The following LONRF2 variants were observed in gnomAD, a reference collection of about 807,000 sequenced individuals.
The protein encoded by LONRF2 is LON peptidase N-terminal domain and ring finger 2.
A neutral mutation model predicts 66.6 loss-of-function variants in LONRF2; 35 were observed. The ratio of observed to expected loss-of-function variants is 0.53; its 90% CI spans 0.40 to 0.70. LONRF2 has a LOEUF of 0.70. Ranked by LOEUF, LONRF2 falls within the 30% of genes least tolerant of loss-of-function variation. The probability of loss-of-function intolerance (pLI) is 0.00; values close to 1 mark genes in which losing one functional copy is unlikely to be tolerated. For synonymous variants in LONRF2, 417 were observed against 418.1 expected, an observed-to-expected ratio of 1.00 and a Z score of 0.03; for missense variants, 902 against 1,002.1, an observed-to-expected ratio of 0.90 and a Z score of 1.35.
In LONRF2 at chr2:100,275,312, C is replaced by T. The variant is rs1252828979; in HGVS notation, c.*8986G>A. On this transcript the variant is annotated 3_prime_UTR_variant, in exon 12 of 12. Coordinates refer to ENST00000393437, the MANE Select transcript of LONRF2 (RefSeq NM_198461.4). ...TCAGGGCAATGACGGTAGCTCCCTC[C>T]ACAAGGAGCAAGGAACGGCTTTCCC... The T allele has an allele frequency of 2.0e-5, 3 of 152,260 alleles. No individual in the cohort carries two copies. Among genetic ancestry groups the T allele is most frequent in the Non-Finnish European group, 4.4e-5 (3 of 68,072 alleles). 9.4% of individuals were successfully genotyped at this position (152,260 alleles called of 1,614,324 possible). A position where few individuals can be genotyped will look rare whatever the true frequency, so the allele number is the denominator to read the frequency against.
intron 1 of LONRF2, among the ~76,000 whole-genome samples, chr2:100,311,159 G>A (rs770648438): frequency 6.6e-6 from 1 of 152,046 alleles, no homozygotes; most frequent in Non-Finnish European, 1.5e-5. Context: ...TCTCCTCACG[G>A]TATCTGCCTT....
In LONRF2 at chr2:100,322,230, C is replaced by T; in HGVS notation, c.-137G>A. 1 of 884,366 alleles carries T rather than the reference C, an allele frequency of 1.1e-6. No individual in the cohort carries two copies. Among genetic ancestry groups the T allele is most frequent in the Non-Finnish European group, 1.4e-6 (1 of 697,408 alleles). 54.8% of individuals were successfully genotyped at this position (884,366 alleles called of 1,614,324 possible). ...ACGCGCGTCTGGGGGCGGCGCGCTG[C>T]GAGCGGCTGAGACCGCGGGCGGGGG... On this transcript the variant is annotated 5_prime_UTR_variant, in exon 1 of 12. Coordinates refer to ENST00000393437, the MANE Select transcript of LONRF2 (RefSeq NM_198461.4).
Position 100,322,280 on chromosome 2 carries a change from C to T in LONRF2, c.-187G>A. The T allele has an allele frequency of 4.3e-6, 2 of 470,130 alleles. No homozygotes were observed. The highest frequency in any genetic ancestry group is 8.9e-5 in the East Asian group (2 of 22,418). 29.1% of individuals were successfully genotyped at this position (470,130 alleles called of 1,614,324 possible). On this transcript the variant is annotated 5_prime_UTR_variant, in exon 1 of 12. Coordinates refer to ENST00000393437, the MANE Select transcript of LONRF2 (RefSeq NM_198461.4). ...GCGGGCGCCTGGCTTGGGCAGCGTCCTCAGCGCGGTGTGGGCGGCGAGCCC... is the reference window on the plus strand; with the variant it reads ...GCGGGCGCCTGGCTTGGGCAGCGTCTTCAGCGCGGTGTGGGCGGCGAGCCC...
intron 6 of LONRF2, 127 bp from the exon 7 acceptor site, chr2:100,299,077 T>C (rs1455340254): frequency 1.1e-6 from 1 of 887,956 alleles, no homozygotes; most frequent in African/African-American, 1.7e-5. Flanking sequence ...GCACTTTCAT[T>C]TTATATCTTA....
At position 100,278,118 on chromosome 2, in the gene LONRF2, C is replaced by A. The variant is rs1674637047; in HGVS notation, c.*6180G>T. ...AAACAACTCCATTTCAAATTCTGGTCTGCAAACAGACCCCGAAATGGGCCT... is the reference window on the plus strand; with the variant it reads ...AAACAACTCCATTTCAAATTCTGGTATGCAAACAGACCCCGAAATGGGCCT... On this transcript the variant is annotated 3_prime_UTR_variant, in exon 12 of 12. Transcript: ENST00000393437. 1 of 152,176 alleles carries A rather than the reference C, an allele frequency of 6.6e-6. No homozygotes were observed. The highest frequency in any genetic ancestry group is 1.5e-5 in the Non-Finnish European group (1 of 68,030). 9.4% of individuals were successfully genotyped at this position (152,176 alleles called of 1,614,324 possible).
rs1046876694 is a variant in LONRF2 at position 100,308,728 on chromosome 2, A to G, written c.798+379T>C. Among the ~76,000 whole-genome samples, 7 of 152,234 alleles carry G rather than the reference A, an allele frequency of 4.6e-5. No individual in the cohort carries two copies. The South Asian group carries it at 6.2e-4, about 14-fold the overall frequency. ...ATAGCATTGATTTGTTCATATGCAT[A>G]TTAGGACCCAACAGCTAATCATGAT... is the stretch of plus-strand genomic sequence containing the variant. On this transcript the variant is annotated intron_variant, in intron 2 of 11. Coordinates refer to ENST00000393437, the MANE Select transcript of LONRF2 (RefSeq NM_198461.4).
intron 11 of LONRF2, 60 bp downstream of exon 11, chr2:100,286,854 A>G: frequency 6.5e-7 from 1 of 1,545,936 alleles, no homozygotes; most frequent in Non-Finnish European, 8.7e-7. Flanking sequence ...CACCAGAATG[A>G]TGGCTCAGCA....
Position 100,272,914 on chromosome 2 carries a change from A to G in LONRF2, c.*11384T>C, listed in dbSNP as rs943093827. Among the ~76,000 whole-genome samples the G allele has an allele frequency of 6.6e-6, 1 of 152,206 alleles. No individual in the cohort carries two copies. Among genetic ancestry groups the G allele is most frequent in the Non-Finnish European group, 1.5e-5 (1 of 68,032 alleles). On this transcript the variant is annotated 3_prime_UTR_variant, in exon 12 of 12. Transcript: ENST00000393437. ...TAAAATTAAATTGGAATCGTTCCAC[A>G]TCTGCACTGTGTTGAATACTGTTCC... is the stretch of plus-strand genomic sequence containing the variant.
intron 3 of LONRF2, among the ~76,000 whole-genome samples, chr2:100,302,217 A>C (rs1186760867): frequency 6.6e-6 from 1 of 152,236 alleles, no homozygotes; most frequent in Non-Finnish European, 1.5e-5. Flanking sequence ...TGTTTGGCCC[A>C]CAGGGTGACA....
At chr2:100,313,495 A>T (rs1675447667) in intron 1 of LONRF2, among the ~76,000 whole-genome samples, 1 of 152,178 alleles carries the variant, frequency 6.6e-6, no homozygotes, top group Non-Finnish European at 1.5e-5. Context: ...ACCCAGTTTC[A>T]AATAAATAAA....
rs755707298 is a variant in LONRF2, at chr2:100,290,326, G to A, written c.1852C>T (p.Arg618Ter). 6 of 1,614,116 alleles carry A rather than the reference G, an allele frequency of 3.7e-6. No individual in the cohort carries two copies. Among genetic ancestry groups the A allele is most frequent in the Non-Finnish European group, 5.1e-6 (6 of 1,180,022 alleles). ...TCTCTGTGGCGGTGGCTTAGCACTC[G>A]GAACCGACTGATGCCAATCGCGTCT... ...VVDAIGISRF[R>*]VLSHRHRDGY... Residue 618 changes from arginine to a stop codon, truncating the protein, a stop_gained, in exon 10 of 12, where the codon CGA (arginine) becomes TGA (stop). Transcript: ENST00000393437. LOFTEE classifies it high-confidence loss of function.
chr2:100,297,515 G>A (rs913267635), intron 7 of LONRF2, among the ~76,000 whole-genome samples: 1 of 152,200 alleles, frequency 6.6e-6, no homozygotes, highest in East Asian at 1.9e-4. Flanking sequence ...CGAAACAGAA[G>A]TGAGTAAGGT....
At chr2:100,313,947 T>A (rs2104210893) in intron 1 of LONRF2, among the ~76,000 whole-genome samples, 1 of 152,284 alleles carries the variant, frequency 6.6e-6, no homozygotes, top group African/African-American at 2.4e-5. Context: ...TTAAAAAATT[T>A]AAAAATTGCT....
intron 11 of LONRF2, among the ~76,000 whole-genome samples, chr2:100,285,238 T>G (rs1409624014): frequency 6.6e-6 from 1 of 152,124 alleles, no homozygotes; most frequent in Non-Finnish European, 1.5e-5. Flanking sequence ...TCACCTTAGT[T>G]TAGGGTGAGG....
At chr2:100,314,301 T>G (rs572630367) in intron 1 of LONRF2, among the ~76,000 whole-genome samples, 4 of 152,358 alleles carry the variant, frequency 2.6e-5, no homozygotes, top group East Asian at 1.9e-4. Context: ...CTGGTGGGGA[T>G]GTACTAACTT....
chr2:100,299,165 G>T, intron 6 of LONRF2, 61 bp downstream of exon 6: 1 of 1,226,926 alleles, frequency 8.2e-7, no homozygotes, highest in Non-Finnish European at 1.2e-6. Flanking sequence ...ATTACACTTT[G>T]GTATACATTT....
chr2:100,321,955 GA>G lies in LONRF2; in HGVS notation c.138del (p.Arg47AlafsTer4). 1.4e-6 allele frequency: 2 copies of G among 1,462,520 alleles called. No homozygotes were observed. The highest frequency in any genetic ancestry group is 1.8e-6 in the Non-Finnish European group (2 of 1,108,174). The allele number at this position is 1,462,520 out of a possible 1,614,324, so 90.6% of individuals were successfully genotyped here. ...TGCGCCAGCCCGGCTAGCATGGAGC[GA>G]AAGAGCTCGGCTGCCATCTCGTAGT... ...AGDYEMAAEL[F>X]RSMLAGLAQP... On this transcript the variant is annotated frameshift_variant, in exon 1 of 12. Coordinates refer to ENST00000393437, the MANE Select transcript of LONRF2 (RefSeq NM_198461.4). LOFTEE classifies it high-confidence loss of function.
chr2:100,321,978 T>C lies in LONRF2; in HGVS notation c.116A>G (p.Tyr39Cys). 6.8e-7 allele frequency: 1 copy of C among 1,467,160 alleles called. No homozygotes were observed. The highest frequency in any genetic ancestry group is 9.0e-7 in the Non-Finnish European group (1 of 1,111,224). The allele number at this position is 1,467,160 out of a possible 1,614,324, so 90.9% of individuals were successfully genotyped here. A position where few individuals can be genotyped will look rare whatever the true frequency, so the allele number is the denominator to read the frequency against. ...EGDEAFRAGDYEMAAELFRSM... is the reference protein window; with the variant it reads ...EGDEAFRAGDCEMAAELFRSM... ...GCGAAAGAGCTCGGCTGCCATCTCG[T>C]AGTCGCCCGCGCGGAAGGCCTCGTC... The change falls in exon 1 of 12, where the codon TAC becomes TGC. Residue 39 changes from tyrosine to cysteine, a missense_variant. Tyr to Cys is a radical substitution (Grantham distance 194, BLOSUM62 -2). Around this residue, in one of 2 missense-constraint regions of LONRF2, gnomAD observed 585 missense variants for 569.9 expected, o/e 1.03. Coordinates refer to ENST00000393437, the MANE Select transcript of LONRF2 (RefSeq NM_198461.4).
At position 100,322,472 on chromosome 2, in the gene LONRF2, C is replaced by G. The variant is rs1675662476; in HGVS notation, c.-379G>C. The G allele has an allele frequency of 6.0e-6, 1 of 165,536 alleles. No individual in the cohort carries two copies. Among genetic ancestry groups the G allele is most frequent in the Non-Finnish European group, 1.3e-5 (1 of 77,140 alleles). 10.3% of individuals were successfully genotyped at this position (165,536 alleles called of 1,614,324 possible). A position where few individuals can be genotyped will look rare whatever the true frequency, so the allele number is the denominator to read the frequency against. On this transcript the variant is annotated 5_prime_UTR_variant, in exon 1 of 12. Coordinates refer to ENST00000393437, the MANE Select transcript of LONRF2 (RefSeq NM_198461.4). ...AGGTCCGCGTCTCTTGCGATGCTTC[C>G]CCCACTCGCCTGAGGGCTCCTGCGC...
Sources: gnomAD v4.1 joint callset for allele counts (sites outside exome capture counted in the v4.1 genomes callset) on GRCh38, gnomAD v4.1.1 for gene constraint, gnomAD v4.1.1 regional missense constraint, MANE v1.5 for transcripts, NCBI Gene and HGNC (gene_info 2026-07-23, HGNC 2026-07-21) for gene names.